ZBTB20: variants seen among roughly 807,000 people sequenced by gnomAD.
The protein encoded by ZBTB20 is zinc finger and BTB domain containing 20, also known as zinc finger and BTB domain-containing protein 20.
In ZBTB20, 9 loss-of-function variants were observed where a neutral mutation model predicts 56.9. That is an observed-to-expected ratio of 0.16 (90% confidence interval 0.10 to 0.28). The LOEUF is 0.28. Ranked by LOEUF, ZBTB20 falls within the 10% of genes least tolerant of loss-of-function variation. ZBTB20 has a pLI of 1.00. For missense variants in ZBTB20, 655 were observed against 1,003.0 expected (o/e 0.65, Z 4.69); for synonymous variants, 417 against 420.7 (o/e 0.99, Z 0.11).
chr3:114,423,380 A>G (rs2089362459), intron 7 of ZBTB20, among the ~76,000 whole-genome samples: 1 of 152,266 alleles, frequency 6.6e-6, no homozygotes, highest in African/African-American at 2.4e-5. Flanking sequence ...AAGTTAACAA[A>G]GAAGTTAACA....
intron 6 of ZBTB20, among the ~76,000 whole-genome samples, chr3:114,579,336 C>A (rs2054408242): frequency 6.6e-6 from 1 of 151,436 alleles, no homozygotes; most frequent in Non-Finnish European, 1.5e-5. Flanking sequence ...CTTCTAAATA[C>A]CTCAAGGGCT....
At chr3:114,666,767 C>T (rs906304695) in intron 6 of ZBTB20, among the ~76,000 whole-genome samples, 3 of 151,922 alleles carry the variant, frequency 2.0e-5, no homozygotes, top group South Asian at 2.1e-4. Context: ...ATAAACTGTT[C>T]ACTTTCTGTT....
intron 2 of ZBTB20, among the ~76,000 whole-genome samples, chr3:115,002,325 T>C (rs1295702357): frequency 6.6e-6 from 1 of 151,556 alleles, no homozygotes; most frequent in Non-Finnish European, 1.5e-5. Context: ...CAATAAGGTC[T>C]TAGATATAAC....
chr3:114,973,500 T>A (rs1301204491), intron 3 of ZBTB20, among the ~76,000 whole-genome samples: 1 of 152,138 alleles, frequency 6.6e-6, no homozygotes, highest in Non-Finnish European at 1.5e-5. Flanking sequence ...TCTCTGACAG[T>A]TTTGACATTC....
chr3:114,763,586 A>AC, intron 5 of ZBTB20, among the ~76,000 whole-genome samples: 1 of 152,290 alleles, frequency 6.6e-6, no homozygotes, highest in Non-Finnish European at 1.5e-5. Context: ...TAAATAGCAT[A>AC]TATAGTACCT....
In ZBTB20 at chr3:114,779,892, A is replaced by T. The variant is rs114211705; in HGVS notation, c.-343+21209T>A. On this transcript the variant is annotated intron_variant, in intron 5 of 11. Transcript: ENST00000675478. Reference sequence around the variant, plus strand: ...TTACTTAATATAAATTTTCCAATAAACACCCCTTGATTACACACTTAGGTC... The same window carrying T: ...TTACTTAATATAAATTTTCCAATAATCACCCCTTGATTACACACTTAGGTC... Among the ~76,000 whole-genome samples, 1,188 of 152,282 alleles carry T rather than the reference A, an allele frequency of 7.8e-3. 12 individuals are homozygous for T. The highest frequency in any genetic ancestry group is 0.026 in the African/African-American group (1,077 of 41,568).
chr3:114,501,710 CT>C (rs1375467962), intron 6 of ZBTB20, among the ~76,000 whole-genome samples: 75 of 111,848 alleles, frequency 6.7e-4, no homozygotes, highest in African/African-American at 1.2e-3. Context: ...TTTTTTCTTT[CT>C]TTTTTTTTTT....
intron 10 of ZBTB20, among the ~76,000 whole-genome samples, chr3:114,365,913 T>C (rs927969555): frequency 1.2e-4 from 18 of 152,180 alleles, no homozygotes; most frequent in African/African-American, 2.9e-4. Context: ...CTTTGTTTTG[T>C]AGGTCTGCTG....
intron 6 of ZBTB20, among the ~76,000 whole-genome samples, chr3:114,624,369 A>C (rs926672455): frequency 6.6e-6 from 1 of 151,982 alleles, no homozygotes; most frequent in African/African-American, 2.4e-5. Context: ...AAAAAAAAAA[A>C]AAACCCATCC....
chr3:114,960,084 A>T (rs900742892), intron 3 of ZBTB20, among the ~76,000 whole-genome samples: 2 of 152,184 alleles, frequency 1.3e-5, no homozygotes, highest in African/African-American at 4.8e-5. Flanking sequence ...CCACTTGGTG[A>T]ATTGAGCCTC....
intron 6 of ZBTB20, among the ~76,000 whole-genome samples, chr3:114,575,357 C>T (rs1323264453): frequency 6.6e-6 from 1 of 152,062 alleles, no homozygotes; most frequent in Non-Finnish European, 1.5e-5. Context: ...ATAAAATTTG[C>T]ACATCTGCAA....
chr3:114,988,918 C>T (rs1342958792), intron 2 of ZBTB20, among the ~76,000 whole-genome samples: 1 of 152,162 alleles, frequency 6.6e-6, no homozygotes, highest in African/African-American at 2.4e-5. Context: ...AGTGTCTGTT[C>T]ACATCCTTCG....
At chr3:115,059,693 C>T (rs1272139436) in intron 2 of ZBTB20, among the ~76,000 whole-genome samples, 1 of 152,160 alleles carries the variant, frequency 6.6e-6, no homozygotes, top group East Asian at 1.9e-4. Context: ...CCTCATCTCC[C>T]TGAATTTCAA....
chr3:115,140,298 A>G (rs1460164158), intron 1 of ZBTB20, among the ~76,000 whole-genome samples: 4 of 152,064 alleles, frequency 2.6e-5, no homozygotes, highest in Non-Finnish European at 4.4e-5. Flanking sequence ...TATATGAGAG[A>G]TTGAAAAGGT....
At position 114,325,629 on chromosome 3, in the gene ZBTB20, C is replaced by CGGTAACCTT. The variant is rs1180377624; in HGVS notation, c.*13367_*13375dup. ...AGGGGTGAGTAGTGCTAACTTTCTC[C>CGGTAACCTT]GGTAACCTTGACAACTGGCTTTAGG... On this transcript the variant is annotated 3_prime_UTR_variant, in exon 12 of 12. Transcript: ENST00000675478. 6.6e-6 allele frequency: 1 copy of CGGTAACCTT among 152,074 alleles called. No individual in the cohort carries two copies. Among genetic ancestry groups the CGGTAACCTT allele is most frequent in the Non-Finnish European group, 1.5e-5 (1 of 68,008 alleles). The allele number at this position is 152,074 out of a possible 1,614,324, so 9.4% of individuals were successfully genotyped here. A position where few individuals can be genotyped will look rare whatever the true frequency, so the allele number is the denominator to read the frequency against.
chr3:114,647,185 C>T (rs184949680), intron 6 of ZBTB20, among the ~76,000 whole-genome samples: 108 of 152,226 alleles, frequency 7.1e-4, no homozygotes, highest in South Asian at 4.4e-3. Flanking sequence ...GTCTCGATCT[C>T]CTGACCTTGT....
In ZBTB20 at chr3:114,521,274, C is replaced by T. The variant is rs536344409; in HGVS notation, c.-294-20883G>A. Among the ~76,000 whole-genome samples the T allele has an allele frequency of 7.9e-5, 12 of 152,256 alleles. No homozygotes were observed. In the South Asian group the frequency reaches 1.0e-3, roughly 13 times the overall value. ...TGAGAGTTAGGGTCTGATCTGGGAA[C>T]ACCTTTCAAATGATTTTGCCAAGGT... On this transcript the variant is annotated intron_variant, in intron 6 of 11. Coordinates refer to ENST00000675478, the MANE Select transcript of ZBTB20 (RefSeq NM_001348800.3).
intron 4 of ZBTB20, among the ~76,000 whole-genome samples, chr3:114,885,702 G>A (rs1007579165): frequency 6.6e-6 from 1 of 151,980 alleles, no homozygotes; most frequent in Non-Finnish European, 1.5e-5. Context: ...TATCATTTCA[G>A]GGATTACTTA....
At chr3:114,837,688 T>C (rs2108984481) in intron 4 of ZBTB20, among the ~76,000 whole-genome samples, 1 of 152,192 alleles carries the variant, frequency 6.6e-6, no homozygotes, top group South Asian at 2.1e-4. Context: ...CCACAAGCTT[T>C]TTAAAAACTT....
Sources: allele counts gnomAD v4.1 joint callset (sites outside exome capture counted in the v4.1 genomes callset), GRCh38; gene constraint gnomAD v4.1.1; transcripts MANE v1.5; gene names NCBI Gene and HGNC (gene_info 2026-07-23, HGNC 2026-07-21).